Variants in CTNNA2 observed in about 807,000 individuals in gnomAD.
CTNNA2 encodes the protein catenin alpha 2, also known as catenin alpha-2.
CTNNA2 carries 42 observed loss-of-function variants against 101.0 expected under a neutral mutation model. That is an observed-to-expected ratio of 0.42 (90% CI 0.32 to 0.54). The LOEUF (loss-of-function observed/expected upper bound fraction) is 0.54, where lower values mean the gene tolerates loss of function less well. Ranked by LOEUF, CTNNA2 falls within the 20% of genes least tolerant of loss-of-function variation. CTNNA2 has a pLI of 0.14. For missense variants in CTNNA2, 871 were observed against 1,223.1 expected, an observed-to-expected ratio of 0.71 and a Z score of 4.29; for synonymous variants, 450 against 456.4, an observed-to-expected ratio of 0.99 and a Z score of 0.18.
intron 6 of CTNNA2, among the ~76,000 whole-genome samples, chr2:79,876,896 A>T (rs111325565): frequency 6.6e-6 from 1 of 152,164 alleles, no homozygotes; most frequent in Non-Finnish European, 1.5e-5. Flanking sequence ...TTGGAAATTT[A>T]ACACATGAAT....
At chr2:80,528,324 G>A (rs1008230501) in intron 9 of CTNNA2, among the ~76,000 whole-genome samples, 1 of 152,140 alleles carries the variant, frequency 6.6e-6, no homozygotes, top group African/African-American at 2.4e-5. Flanking sequence ...AGCCTCCTGA[G>A]TAGCTGGGAC....
At chr2:80,540,911 G>T (rs1315738564) in intron 9 of CTNNA2, among the ~76,000 whole-genome samples, 2 of 152,142 alleles carry the variant, frequency 1.3e-5, no homozygotes, top group Non-Finnish European at 2.9e-5. Flanking sequence ...TCCCAGGCTG[G>T]TCTTCAACTC....
At chr2:80,545,681 T>C (rs1262343056) in intron 10 of CTNNA2, among the ~76,000 whole-genome samples, 1 of 152,228 alleles carries the variant, frequency 6.6e-6, no homozygotes, top group Non-Finnish European at 1.5e-5. Context: ...GTAAATACTT[T>C]TTGAAACCCG....
chr2:79,414,819 G>T (rs1238930856), intron 4 of CTNNA2, among the ~76,000 whole-genome samples: 1 of 151,962 alleles, frequency 6.6e-6, no homozygotes, highest in Non-Finnish European at 1.5e-5. Context: ...GGGGAGTGAG[G>T]CCATCTTAGA....
rs1216012588 is a variant in CTNNA2 at position 79,869,936 on chromosome 2, G to A, written c.585+1G>A. 1 of 1,613,038 alleles carries A rather than the reference G, an allele frequency of 6.2e-7. No homozygotes were observed. The highest frequency in any genetic ancestry group is 8.5e-7 in the Non-Finnish European group (1 of 1,179,826). ...CTATGTAGCAGCAAGAAGACAACAG[G>A]TGGGAAAGATTTTAGAAATGCTAGG... is the stretch of plus-strand genomic sequence containing the variant. On this transcript the variant is annotated splice_donor_variant, in intron 5 of 18. Coordinates refer to ENST00000402739, the MANE Select transcript of CTNNA2 (RefSeq NM_001282597.3). LOFTEE classifies it high-confidence loss of function.
At chr2:80,187,941 A>G (rs1174785367) in intron 7 of CTNNA2, among the ~76,000 whole-genome samples, 1 of 152,048 alleles carries the variant, frequency 6.6e-6, no homozygotes, top group Non-Finnish European at 1.5e-5. Context: ...TGTATAGGTT[A>G]GACAGAGTAT....
chr2:79,800,685 G>C (rs1370603440), intron 3 of CTNNA2, among the ~76,000 whole-genome samples: 1 of 152,118 alleles, frequency 6.6e-6, no homozygotes, highest in African/African-American at 2.4e-5. Flanking sequence ...TGTGATGGGA[G>C]CCTGCTAGAG....
chr2:80,429,581 T>A (rs1681303590), intron 9 of CTNNA2, among the ~76,000 whole-genome samples: 1 of 152,198 alleles, frequency 6.6e-6, no homozygotes, highest in Non-Finnish European at 1.5e-5. Flanking sequence ...TAGCTGCTGA[T>A]GTTGGCGTAA....
chr2:79,683,170 A>C (rs1284567072), intron 2 of CTNNA2, among the ~76,000 whole-genome samples: 3 of 152,160 alleles, frequency 2.0e-5, no homozygotes, highest in Admixed American at 6.5e-5. Flanking sequence ...CCTGCTTAAT[A>C]CTGGGCCCAT....
At chr2:79,675,314 T>C (rs940319310) in intron 2 of CTNNA2, among the ~76,000 whole-genome samples, 10 of 152,316 alleles carry the variant, frequency 6.6e-5, no homozygotes, top group Admixed American at 4.6e-4. Flanking sequence ...TATTACCTAA[T>C]TTTATGGCGG....
chr2:80,187,149 C>A (rs1706180423), intron 7 of CTNNA2, among the ~76,000 whole-genome samples: 1 of 152,152 alleles, frequency 6.6e-6, no homozygotes, highest in Non-Finnish European at 1.5e-5. Flanking sequence ...TAATATATAT[C>A]TCATATGGTC....
chr2:79,252,747 T>C (rs962060420), intron 2 of CTNNA2, among the ~76,000 whole-genome samples: 11 of 152,178 alleles, frequency 7.2e-5, no homozygotes, highest in African/African-American at 2.4e-4. Flanking sequence ...GTAATGCATT[T>C]TATAATTGGT....
chr2:80,224,109 G>A (rs1444251766), intron 7 of CTNNA2, among the ~76,000 whole-genome samples: 1 of 152,070 alleles, frequency 6.6e-6, no homozygotes, highest in Non-Finnish European at 1.5e-5. Flanking sequence ...AAACTCTCTT[G>A]TCTTCTGTTC....
chr2:80,204,789 G>C (rs1393666554), intron 7 of CTNNA2, among the ~76,000 whole-genome samples: 1 of 150,626 alleles, frequency 6.6e-6, no homozygotes, highest in East Asian at 1.9e-4. Context: ...TCATTTTCAT[G>C]CTGCTGATAA....
intron 7 of CTNNA2, among the ~76,000 whole-genome samples, chr2:80,224,666 A>G (rs2120407): frequency 0.59 from 89,395 of 151,606 alleles, 26,541 homozygotes; most frequent in Non-Finnish European, 0.63. Flanking sequence ...GGATGGTCTC[A>G]ATCTCCTGAT....
rs1670855111 is a variant in CTNNA2, at chr2:79,736,075, AGTTT to A, written c.103-8311_103-8308del. 2.0e-5 allele frequency among the ~76,000 whole-genome samples: 3 copies of A among 152,194 alleles called. No homozygotes were observed. The South Asian group carries it at 6.2e-4, about 31-fold the overall frequency. On this transcript the variant is annotated intron_variant, in intron 2 of 18. Coordinates refer to ENST00000402739, the MANE Select transcript of CTNNA2 (RefSeq NM_001282597.3). ...CTATTGTAGTAGTTTCTATTGTAGT[AGTTT>A]CTGTGAAAGTTTTATCTTAGTTTTT...
At chr2:79,193,956 TTTTTATCATTATGATAAC>T (rs1482708641) in intron 1 of CTNNA2, among the ~76,000 whole-genome samples, 1 of 152,230 alleles carries the variant, frequency 6.6e-6, no homozygotes, top group Non-Finnish European at 1.5e-5. Flanking sequence ...GCTGTTGCCA[TTTTTATCATTATGATAAC>T]TTCATGGGAA....
At chr2:79,851,983 C>T (rs1382064403) in intron 3 of CTNNA2, among the ~76,000 whole-genome samples, 1 of 151,976 alleles carries the variant, frequency 6.6e-6, no homozygotes, top group African/African-American at 2.4e-5. Flanking sequence ...AATGATCTGC[C>T]CGCCTCAGCC....
chr2:79,347,989 A>T (rs2104435664), intron 3 of CTNNA2, among the ~76,000 whole-genome samples: 1 of 152,130 alleles, frequency 6.6e-6, no homozygotes, highest in South Asian at 2.1e-4. Context: ...AGAGAAGAAC[A>T]GTTGTCACTG....
Sources: allele counts gnomAD v4.1 joint callset (sites outside exome capture counted in the v4.1 genomes callset), GRCh38; gene constraint gnomAD v4.1.1; transcripts MANE v1.5; gene names NCBI Gene and HGNC (gene_info 2026-07-23, HGNC 2026-07-21).